The following FAM169A variants were observed in gnomAD, a reference collection of about 807,000 sequenced individuals.
FAM169A encodes the protein soluble lamin-associated protein of 75 kDa.
In FAM169A, 24 loss-of-function variants were observed where a neutral mutation model predicts 75.7. That is an observed-to-expected ratio of 0.32 (90% confidence interval 0.23 to 0.45). FAM169A has a LOEUF of 0.45. Ranked by LOEUF, FAM169A falls within the 20% of genes least tolerant of loss-of-function variation. The pLI is 1.00. For missense variants in FAM169A, 673 were observed against 784.0 expected (o/e 0.86, Z 1.69); for synonymous variants, 271 against 271.0 (o/e 1.00, Z 0.00).
At chr5:74,841,457 C>T (rs1412510969) in intron 2 of FAM169A, 88 bp downstream of exon 2, 4 of 1,047,014 alleles carry the variant, frequency 3.8e-6, no homozygotes, top group Non-Finnish European at 5.3e-6. Flanking sequence ...ATGATTAACA[C>T]TTAAAATGAT....
chr5:74,799,345 C>A (rs1746444326), intron 10 of FAM169A: 2 of 1,609,032 alleles, frequency 1.2e-6, no homozygotes, highest in Admixed American at 3.3e-5. Flanking sequence ...AAGTGAAGCA[C>A]GACTCATTTC....
intron 5 of FAM169A, among the ~76,000 whole-genome samples, chr5:74,828,966 A>C (rs1433542278): frequency 6.6e-6 from 1 of 152,164 alleles, no homozygotes; most frequent in Non-Finnish European, 1.5e-5. Flanking sequence ...TTTCACTACA[A>C]AATTCTGAGA....
intron 5 of FAM169A, among the ~76,000 whole-genome samples, chr5:74,827,560 A>G (rs946575179): frequency 6.6e-6 from 1 of 152,104 alleles, no homozygotes; most frequent in African/African-American, 2.4e-5. Flanking sequence ...TAATTATTAT[A>G]TTAGTATACA....
intron 1 of FAM169A, among the ~76,000 whole-genome samples, chr5:74,863,144 T>C (rs1197984771): frequency 1.3e-5 from 2 of 152,084 alleles, no homozygotes; most frequent in African/African-American, 2.4e-5. Flanking sequence ...CGTTAAGGTA[T>C]CATATACCAA....
rs1015432408 is a variant in FAM169A at position 74,779,246 on chromosome 5, T to C, written c.*2214A>G. The C allele has an allele frequency of 2.0e-5, 3 of 152,126 alleles. No individual in the cohort carries two copies. The highest frequency in any genetic ancestry group is 7.2e-5 in the African/African-American group (3 of 41,440). The allele number at this position is 152,126 out of a possible 1,614,324, so 9.4% of individuals were successfully genotyped here. A position where few individuals can be genotyped will look rare whatever the true frequency, so the allele number is the denominator to read the frequency against. ...TTGTAAACTCAACTATATTCACACA[T>C]CAAGAGTTGAGCCAGTGAGCTCAAT... On this transcript the variant is annotated 3_prime_UTR_variant, in exon 13 of 13. Coordinates refer to ENST00000687041, the MANE Select transcript of FAM169A (RefSeq NM_001376049.1).
intron 11 of FAM169A, among the ~76,000 whole-genome samples, chr5:74,792,418 G>A (rs1011382436): frequency 2.6e-5 from 4 of 152,176 alleles, no homozygotes; most frequent in African/African-American, 9.7e-5. Flanking sequence ...AGATTAGACT[G>A]GCTTAGCCTC....
rs545891563 is a variant in FAM169A, at chr5:74,780,927, C to T, written c.*533G>A. On this transcript the variant is annotated 3_prime_UTR_variant, in exon 13 of 13. Coordinates refer to ENST00000687041, the MANE Select transcript of FAM169A (RefSeq NM_001376049.1). ...CAAAATATCTTCATGAACCTTTGAC[C>T]GTAAGTTTCTGTTTTTGTGCTCTCA... The T allele has an allele frequency of 2.0e-5, 3 of 152,274 alleles. No homozygotes were observed. The highest frequency in any genetic ancestry group is 4.2e-4 in the South Asian group (2 of 4,816). 9.4% of individuals were successfully genotyped at this position (152,274 alleles called of 1,614,324 possible).
intron 11 of FAM169A, among the ~76,000 whole-genome samples, chr5:74,784,527 A>AAAAAC (rs1745578823): frequency 6.7e-6 from 1 of 148,360 alleles, no homozygotes; most frequent in Non-Finnish European, 1.5e-5. Flanking sequence ...AAAAAAAAAA[A>AAAAAC]AACAAGAAAC....
At chr5:74,837,327 C>T (rs1003566621) in intron 4 of FAM169A, among the ~76,000 whole-genome samples, 1 of 152,082 alleles carries the variant, frequency 6.6e-6, no homozygotes, top group Non-Finnish European at 1.5e-5. Flanking sequence ...TCCCTCCTCC[C>T]CTTCAGTTTC....
chr5:74,856,410 T>C (rs1253635199), intron 1 of FAM169A, among the ~76,000 whole-genome samples: 2 of 152,224 alleles, frequency 1.3e-5, no homozygotes, highest in Non-Finnish European at 2.9e-5. Context: ...TCTTCCAATA[T>C]ATGGACATGA....
At chr5:74,791,516 C>T (rs950143463) in intron 11 of FAM169A, among the ~76,000 whole-genome samples, 15 of 152,170 alleles carry the variant, frequency 9.9e-5, no homozygotes, top group Admixed American at 2.6e-4. Flanking sequence ...TTGGGCTCCT[C>T]CTACCTTTAA....
chr5:74,862,923 C>T (rs529566348), intron 1 of FAM169A, among the ~76,000 whole-genome samples: 1 of 149,536 alleles, frequency 6.7e-6, no homozygotes, highest in Admixed American at 6.7e-5. Flanking sequence ...CTACAACACA[C>T]AACAGACACT....
chr5:74,849,370 C>T (rs762804610), intron 1 of FAM169A, among the ~76,000 whole-genome samples: 5 of 151,990 alleles, frequency 3.3e-5, no homozygotes, highest in Non-Finnish European at 5.9e-5. Flanking sequence ...AAGATGGGAA[C>T]ATATTCTACA....
chr5:74,833,690 T>C (rs1748430953), intron 5 of FAM169A, among the ~76,000 whole-genome samples: 1 of 152,200 alleles, frequency 6.6e-6, no homozygotes, highest in African/African-American at 2.4e-5. Context: ...GTGTATTCTC[T>C]GTGAAAGGTC....
intron 10 of FAM169A, among the ~76,000 whole-genome samples, chr5:74,800,264 GT>G (rs60057008): frequency 0.36 from 53,629 of 148,094 alleles, 12,606 homozygotes; most frequent in African/African-American, 0.68. Context: ...GTTTTTGTTT[GT>G]TTTTTTTTTG....
At chr5:74,865,718 A>T (rs965011917) in intron 1 of FAM169A, 2 of 152,456 alleles carry the variant, frequency 1.3e-5, no homozygotes, top group Non-Finnish European at 2.9e-5. Flanking sequence ...TGGTCGGGTG[A>T]ACCGAGTCTA....
chr5:74,805,428 C>G, intron 6 of FAM169A, 144 bp from the exon 7 acceptor site: 1 of 463,800 alleles, frequency 2.2e-6, no homozygotes, highest in South Asian at 6.1e-5. Context: ...CTCAAGTATA[C>G]AGTAGTTTCA....
intron 5 of FAM169A, among the ~76,000 whole-genome samples, chr5:74,820,702 A>T (rs1747726307): frequency 6.6e-6 from 1 of 151,830 alleles, no homozygotes. Context: ...AGCACCCAGA[A>T]CCCCTGCACC....
Position 74,866,366 on chromosome 5 carries a change from C to T in FAM169A, c.-205G>A, listed in dbSNP as rs1285824683. On this transcript the variant is annotated 5_prime_UTR_variant, in exon 1 of 13. Transcript: ENST00000687041. ...CGCGGGTCGGCCGCGGCCCACCGTG[C>T]CCTCCGACGACGTGACGCACTAGCG... 10 of 984,368 alleles carry T rather than the reference C, an allele frequency of 1.0e-5. No homozygotes were observed. The highest frequency in any genetic ancestry group is 1.8e-5 in the African/African-American group (1 of 57,132). The allele number at this position is 984,368 out of a possible 1,614,324, so 61.0% of individuals were successfully genotyped here.
Sources: allele counts gnomAD v4.1 joint callset (sites outside exome capture counted in the v4.1 genomes callset), GRCh38; gene constraint gnomAD v4.1.1; transcripts MANE v1.5; gene names NCBI Gene and HGNC (gene_info 2026-07-23, HGNC 2026-07-21).